Variants in CDC42BPB observed in about 807,000 individuals in gnomAD.
The protein encoded by CDC42BPB is CDC42 binding protein kinase beta, also known as serine/threonine-protein kinase MRCK beta.
Under a neutral mutation model 214.9 loss-of-function variants are expected in CDC42BPB, and 37 were observed. The ratio of observed to expected loss-of-function variants is 0.17; its 90% confidence interval spans 0.13 to 0.23. The LOEUF is 0.23. CDC42BPB is among the 10% of genes least tolerant of loss of function. CDC42BPB has a pLI of 1.00. For missense variants in CDC42BPB, 1,694 were observed against 2,227.0 expected (o/e 0.76, Z 4.82); for synonymous variants, 931 against 884.0 (o/e 1.05, Z -0.94).
chr14:102,980,232 C>T (rs1323794873), intron 8 of CDC42BPB, among the ~76,000 whole-genome samples: 3 of 152,190 alleles, frequency 2.0e-5, no homozygotes, highest in Non-Finnish European at 2.9e-5. Flanking sequence ...CGATGGCTCA[C>T]GCCTATAATC....
intron 20 of CDC42BPB, among the ~76,000 whole-genome samples, chr14:102,961,905 T>C (rs1260713316): frequency 2.0e-5 from 3 of 152,040 alleles, no homozygotes; most frequent in Admixed American, 6.6e-5. Context: ...CTAGGAAAAA[T>C]ACTTGCAACT....
intron 20 of CDC42BPB, among the ~76,000 whole-genome samples, chr14:102,962,758 C>T (rs887341840): frequency 1.3e-5 from 2 of 152,034 alleles, no homozygotes; most frequent in African/African-American, 2.4e-5. Context: ...GAGGCTGAGG[C>T]GGGAGAATCC....
At position 103,050,365 on chromosome 14, in the gene CDC42BPB, G is replaced by C. The variant is rs193255440; in HGVS notation, c.175+6634C>G. Among the ~76,000 whole-genome samples, 609 of 152,344 alleles carry C rather than the reference G, an allele frequency of 4.0e-3. 4 individuals are homozygous for C. Among genetic ancestry groups the C allele is most frequent in the African/African-American group, 0.014 (589 of 41,572 alleles). ...CTGTGAAGGACAGAAATGCTGGTTAGAGGGCTGTTTGCCCAGAAACGGTTA... is the reference window on the plus strand; with the variant it reads ...CTGTGAAGGACAGAAATGCTGGTTACAGGGCTGTTTGCCCAGAAACGGTTA... On this transcript the variant is annotated intron_variant, in intron 1 of 36. Transcript: ENST00000361246.
At chr14:102,974,716 G>A (rs372347699) in intron 11 of CDC42BPB, among the ~76,000 whole-genome samples, 2 of 152,302 alleles carry the variant, frequency 1.3e-5, no homozygotes, top group Non-Finnish European at 2.9e-5. Flanking sequence ...CCAGCACTTC[G>A]GGAGGCCAAG....
intron 1 of CDC42BPB, among the ~76,000 whole-genome samples, chr14:103,052,580 G>A (rs1235485990): frequency 2.6e-5 from 4 of 152,206 alleles, no homozygotes; most frequent in South Asian, 2.1e-4. Context: ...GAGGAGGACC[G>A]TGAGAAGATA....
intron 24 of CDC42BPB, among the ~76,000 whole-genome samples, chr14:102,952,248 T>C (rs2139399087): frequency 6.6e-6 from 1 of 152,310 alleles, no homozygotes; most frequent in South Asian, 2.1e-4. Context: ...TCTCAACTAC[T>C]TGAGAGGCTG....
At chr14:102,935,029 A>T (rs1350668017) in intron 36 of CDC42BPB, among the ~76,000 whole-genome samples, 1 of 151,590 alleles carries the variant, frequency 6.6e-6, no homozygotes, top group Non-Finnish European at 1.5e-5. Flanking sequence ...AAAAAAAAAA[A>T]GAAAAAAAGA....
intron 5 of CDC42BPB, among the ~76,000 whole-genome samples, chr14:102,993,637 G>A (rs1894597837): frequency 6.6e-6 from 1 of 152,136 alleles, no homozygotes; most frequent in African/African-American, 2.4e-5. Flanking sequence ...CATGACCAGG[G>A]CACTCAGAAG....
At chr14:102,953,574 A>C (rs1892583700) in intron 23 of CDC42BPB, among the ~76,000 whole-genome samples, 1 of 152,248 alleles carries the variant, frequency 6.6e-6, no homozygotes, top group African/African-American at 2.4e-5. Flanking sequence ...CTTAGGCCAC[A>C]GGGCTACGTA....
intron 5 of CDC42BPB, among the ~76,000 whole-genome samples, chr14:102,997,867 G>A (rs150516876): frequency 1.6e-4 from 25 of 152,330 alleles, no homozygotes; most frequent in Admixed American, 1.2e-3. Flanking sequence ...ACGTGGAGCC[G>A]GGCGCGGTGG....
intron 9 of CDC42BPB, among the ~76,000 whole-genome samples, chr14:102,977,243 G>A (rs2139500650): frequency 6.6e-6 from 1 of 151,162 alleles, no homozygotes; most frequent in Non-Finnish European, 1.5e-5. Context: ...GGAGGCTGCG[G>A]CAGGGGAATC....
At chr14:102,998,706 C>T (rs912831483) in intron 5 of CDC42BPB, among the ~76,000 whole-genome samples, 4 of 152,126 alleles carry the variant, frequency 2.6e-5, no homozygotes, top group Non-Finnish European at 4.4e-5. Flanking sequence ...TCCTGCAAGT[C>T]GCAGTGATGG....
rs544069219 is a variant in CDC42BPB at position 102,943,544 on chromosome 14, G to A, written c.4408+347C>T. Among the ~76,000 whole-genome samples, 5 of 151,898 alleles carry A rather than the reference G, an allele frequency of 3.3e-5. No individual in the cohort carries two copies. Among genetic ancestry groups the A allele is most frequent in the Non-Finnish European group, 4.4e-5 (3 of 68,010 alleles). On this transcript the variant is annotated intron_variant, in intron 30 of 36. Coordinates refer to ENST00000361246, the MANE Select transcript of CDC42BPB (RefSeq NM_006035.4). The surrounding 1 kb of genome is among the most constrained non-coding windows in gnomAD (Gnocchi z 4.6). ...ACTGTGTAAGTTTCTGTATTATCAC[G>A]AGGAAGGCCTTTTAAATGAGAGATG...
At chr14:102,965,336 T>C (rs578100528) in intron 18 of CDC42BPB, among the ~76,000 whole-genome samples, 1 of 151,748 alleles carries the variant, frequency 6.6e-6, no homozygotes, top group East Asian at 1.9e-4. Flanking sequence ...TTGAAACGTT[T>C]TGCTATTTCA....
rs778791236 is a variant in CDC42BPB at position 102,972,060 on chromosome 14, G to A, written c.1743C>T (p.Asn581=). ...KLALQEFSEL[N]ERMAELRAQK... The stretch of plus-strand genomic sequence containing the variant: ...GGGCACGGAGCTCTGCCATGCGCTC[G>A]TTCAGCTCCGAGAACTCCTGCAGGG... Residue 581 remains asparagine, a synonymous_variant, in exon 13 of 37, where the codon AAC becomes AAT. Coordinates refer to ENST00000361246, the MANE Select transcript of CDC42BPB (RefSeq NM_006035.4). 3.1e-6 allele frequency: 5 copies of A among 1,614,126 alleles called. No individual in the cohort carries two copies. Among genetic ancestry groups the A allele is most frequent in the African/African-American group, 1.3e-5 (1 of 74,934 alleles).
At chr14:102,941,221 G>A in intron 30 of CDC42BPB, 2 of 985,458 alleles carry the variant, frequency 2.0e-6, no homozygotes, top group Non-Finnish European at 2.4e-6. Context: ...CTGGGAGGCG[G>A]CAAGCCCCAA....
At chr14:102,977,477 CTCTT>C (rs1484158087) in intron 9 of CDC42BPB, among the ~76,000 whole-genome samples, 1 of 152,104 alleles carries the variant, frequency 6.6e-6, no homozygotes, top group Non-Finnish European at 1.5e-5. Context: ...CATTTCACCT[CTCTT>C]TCTTCCTAAC....
At chr14:102,981,909 A>C (rs1176228041) in intron 7 of CDC42BPB, among the ~76,000 whole-genome samples, 1 of 152,206 alleles carries the variant, frequency 6.6e-6, no homozygotes, top group Admixed American at 6.5e-5. Flanking sequence ...ACACATGCGC[A>C]CGCACACACA....
At chr14:102,972,278 T>G in intron 12 of CDC42BPB, 117 bp from the exon 13 acceptor site, 1 of 1,531,962 alleles carries the variant, frequency 6.5e-7, no homozygotes, top group Non-Finnish European at 8.8e-7. Context: ...TGGTTACAGA[T>G]TAGAGCCACA....
Sources: allele counts gnomAD v4.1 joint callset (sites outside exome capture counted in the v4.1 genomes callset), GRCh38; gene constraint gnomAD v4.1.1; non-coding constraint Gnocchi (gnomAD v3.1); transcripts MANE v1.5; gene names NCBI Gene and HGNC (gene_info 2026-07-23, HGNC 2026-07-21).